Variants in L3MBTL4 observed in about 807,000 individuals in gnomAD.
L3MBTL4 encodes the protein lethal(3)malignant brain tumor-like protein 4.
L3MBTL4 carries 70 observed loss-of-function variants against 84.5 expected under a neutral mutation model. That is an observed-to-expected ratio of 0.83 (90% CI 0.68 to 1.01). The LOEUF (loss-of-function observed/expected upper bound fraction) is 1.01. L3MBTL4 is among the 50% of genes least tolerant of loss of function. L3MBTL4 has a pLI of 0.00. For missense variants in L3MBTL4, 715 were observed against 754.8 expected, an observed-to-expected ratio of 0.95 and a Z score of 0.62; for synonymous variants, 274 against 259.8, an observed-to-expected ratio of 1.05 and a Z score of -0.52.
chr18:6,169,565 C>A (rs2043858010), intron 13 of L3MBTL4, among the ~76,000 whole-genome samples: 1 of 151,164 alleles, frequency 6.6e-6, no homozygotes, highest in Non-Finnish European at 1.5e-5. Flanking sequence ...CATTCTCAGC[C>A]ACCCATCACA....
chr18:6,191,646 G>T, intron 12 of L3MBTL4, among the ~76,000 whole-genome samples: 1 of 152,186 alleles, frequency 6.6e-6, no homozygotes, highest in South Asian at 2.1e-4. Flanking sequence ...AATAAATACA[G>T]TTAGGGAAGA....
At chr18:6,148,480 C>T (rs750543852) in intron 13 of L3MBTL4, among the ~76,000 whole-genome samples, 2 of 152,100 alleles carry the variant, frequency 1.3e-5, no homozygotes, top group African/African-American at 2.4e-5. Context: ...GGCTGGACTG[C>T]GGTGCTGCTA....
At chr18:6,153,997 T>G (rs1270339191) in intron 13 of L3MBTL4, among the ~76,000 whole-genome samples, 1 of 152,230 alleles carries the variant, frequency 6.6e-6, no homozygotes, top group South Asian at 2.1e-4. Flanking sequence ...GATTACAGTA[T>G]CAGCAAACAG....
chr18:6,140,321 C>T (rs2060157310), intron 13 of L3MBTL4, among the ~76,000 whole-genome samples: 1 of 152,194 alleles, frequency 6.6e-6, no homozygotes, highest in Non-Finnish European at 1.5e-5. Context: ...ACTTAAACTC[C>T]CTTGCTCTCT....
At chr18:5,989,575 A>C (rs2053599813) in intron 16 of L3MBTL4, among the ~76,000 whole-genome samples, 1 of 152,182 alleles carries the variant, frequency 6.6e-6, no homozygotes. Context: ...AAAACTGATC[A>C]ATCAACCAAC....
chr18:6,208,447 T>TTTATTAA, intron 12 of L3MBTL4, among the ~76,000 whole-genome samples: 1 of 152,222 alleles, frequency 6.6e-6, no homozygotes. Context: ...AAAAGACTTG[T>TTTATTAA]TGAAGAGACT....
intron 14 of L3MBTL4, among the ~76,000 whole-genome samples, chr18:6,100,146 C>T (rs1274207022): frequency 6.6e-6 from 1 of 152,138 alleles, no homozygotes; most frequent in Non-Finnish European, 1.5e-5. Flanking sequence ...TTCATTTCCT[C>T]ATCTATAACA....
chr18:6,078,150 G>C (rs2057926512), intron 16 of L3MBTL4, among the ~76,000 whole-genome samples: 1 of 151,214 alleles, frequency 6.6e-6, no homozygotes, highest in Admixed American at 6.6e-5. Context: ...GAAAAGGCTG[G>C]GTGCAGTGGC....
At chr18:6,133,695 G>A (rs1387807379) in intron 14 of L3MBTL4, among the ~76,000 whole-genome samples, 2 of 152,180 alleles carry the variant, frequency 1.3e-5, no homozygotes, top group African/African-American at 4.8e-5. Flanking sequence ...TGGTCAGGTG[G>A]TTGTTCGACT....
rs941359909 is a variant in L3MBTL4, at chr18:6,034,143, C to CT, written c.1444+46737dup. On this transcript the variant is annotated intron_variant, in intron 16 of 18. Coordinates refer to ENST00000317931, the MANE Select transcript of L3MBTL4 (RefSeq NM_001330559.2). ...AGGGAATGTCTTAATTTCTCCCTCG[C>CT]TTTTTTTTTTAATTATTATTATACT... 4.1e-3 allele frequency among the ~76,000 whole-genome samples: 608 copies of CT among 148,610 alleles called. 8 individuals carry two copies. Among genetic ancestry groups the CT allele is most frequent in the African/African-American group, 0.012 (493 of 40,538 alleles).
At chr18:6,129,937 T>G (rs2059822988) in intron 14 of L3MBTL4, among the ~76,000 whole-genome samples, 1 of 152,204 alleles carries the variant, frequency 6.6e-6, no homozygotes. Flanking sequence ...TATGTCTGTT[T>G]TGCCTGTTTA....
chr18:6,195,811 T>A (rs1187780563), intron 12 of L3MBTL4, among the ~76,000 whole-genome samples: 1 of 152,066 alleles, frequency 6.6e-6, no homozygotes, highest in Non-Finnish European at 1.5e-5. Flanking sequence ...TTGGCTTCCC[T>A]GTACCAGAAT....
intron 13 of L3MBTL4, among the ~76,000 whole-genome samples, chr18:6,163,116 C>T (rs990252500): frequency 2.0e-5 from 3 of 151,984 alleles, no homozygotes; most frequent in Non-Finnish European, 4.4e-5. Flanking sequence ...AATGACAGGC[C>T]CTCAAATGTT....
chr18:6,372,876 C>T (rs1001320404), intron 1 of L3MBTL4, among the ~76,000 whole-genome samples: 2 of 152,172 alleles, frequency 1.3e-5, no homozygotes, highest in African/African-American at 4.8e-5. Flanking sequence ...ACTTAACCCA[C>T]CATAATTATA....
intron 12 of L3MBTL4, among the ~76,000 whole-genome samples, chr18:6,200,683 G>A (rs1348240125): frequency 6.6e-6 from 1 of 152,098 alleles, no homozygotes; most frequent in African/African-American, 2.4e-5. Context: ...TATTTCAAGG[G>A]AGGAAGCATC....
intron 16 of L3MBTL4, among the ~76,000 whole-genome samples, chr18:6,015,681 G>A (rs866612267): frequency 6.6e-6 from 1 of 152,298 alleles, no homozygotes; most frequent in South Asian, 2.1e-4. Context: ...AATCATGGCT[G>A]GGTGCGGTGG....
At chr18:6,396,180 G>A (rs948933624) in intron 1 of L3MBTL4, 1 of 152,282 alleles carries the variant, frequency 6.6e-6, no homozygotes, top group East Asian at 1.9e-4. Context: ...TTCAAACAGG[G>A]CTCTTCTTAT....
chr18:6,031,652 T>A, intron 16 of L3MBTL4: 3 of 977,446 alleles, frequency 3.1e-6, no homozygotes, highest in Non-Finnish European at 3.6e-6. Flanking sequence ...GGCAGCTGAC[T>A]CAGCTTCACA....
chr18:6,345,537 A>G (rs1464920744), intron 1 of L3MBTL4, among the ~76,000 whole-genome samples: 1 of 149,200 alleles, frequency 6.7e-6, no homozygotes, highest in Non-Finnish European at 1.5e-5. Flanking sequence ...CACTGACAAC[A>G]AACTATCCAA....
Sources: allele counts gnomAD v4.1 joint callset (sites outside exome capture counted in the v4.1 genomes callset), GRCh38; gene constraint gnomAD v4.1.1; transcripts MANE v1.5; gene names NCBI Gene and HGNC (gene_info 2026-07-23, HGNC 2026-07-21).